Variants in CAMSAP1 observed in about 807,000 individuals in gnomAD.
CAMSAP1 encodes the protein calmodulin regulated spectrin associated protein 1, also known as calmodulin-regulated spectrin-associated protein 1.
In CAMSAP1, 58 loss-of-function variants were observed where a neutral mutation model predicts 143.5. The ratio of observed to expected loss-of-function variants is 0.40; its 90% CI spans 0.33 to 0.50. The LOEUF (loss-of-function observed/expected upper bound fraction) is 0.50. Among genes scored for constraint, CAMSAP1 ranks in the 20% least tolerant of loss-of-function variants. CAMSAP1 has a pLI of 0.45. For synonymous variants in CAMSAP1, 945 were observed against 859.3 expected, an observed-to-expected ratio of 1.10 and a Z score of -1.74; for missense variants, 1,969 against 2,115.7, an observed-to-expected ratio of 0.93 and a Z score of 1.36.
At chr9:135,865,104 C>T (rs1437873391) in intron 4 of CAMSAP1, 2 of 555,382 alleles carry the variant, frequency 3.6e-6, no homozygotes, top group African/African-American at 3.8e-5. Flanking sequence ...AAAGAAGTAA[C>T]TAGGAAACTG....
At chr9:135,885,512 C>T (rs554642116) in intron 1 of CAMSAP1, among the ~76,000 whole-genome samples, 128 of 152,270 alleles carry the variant, frequency 8.4e-4, no homozygotes, top group Non-Finnish European at 1.5e-3. Flanking sequence ...AAGTGGAGGG[C>T]TGGCATTAGA....
Position 135,907,233 on chromosome 9 carries a change from T to C in CAMSAP1, c.-74A>G. The C allele has an allele frequency of 1.1e-6, 1 of 940,954 alleles. No individual in the cohort carries two copies. Among genetic ancestry groups the C allele is most frequent in the East Asian group, 9.0e-5 (1 of 11,062 alleles). 58.3% of individuals were successfully genotyped at this position (940,954 alleles called of 1,614,324 possible). On this transcript the variant is annotated 5_prime_UTR_variant, in exon 1 of 17. Transcript: ENST00000389532. The stretch of plus-strand genomic sequence containing the variant: ...CCGCCCCTCGCCGCGCCGGGCCCGG[T>C]GCGCCCCGAGCCACCACTCGGCCCC...
rs1288878554 is a variant in CAMSAP1, at chr9:135,810,122, C to T, written c.*1187G>A. The T allele has an allele frequency of 6.6e-6, 1 of 152,542 alleles. No individual in the cohort carries two copies. Among genetic ancestry groups the T allele is most frequent in the African/African-American group, 2.4e-5 (1 of 41,432 alleles). The allele number at this position is 152,542 out of a possible 1,614,324, so 9.4% of individuals were successfully genotyped here. Reference sequence around the variant, plus strand: ...CAGCCATGGCTGGCACGCACCTGCTCCTGGGAATGTCCGCGCTCCACAGAA... The same window carrying T: ...CAGCCATGGCTGGCACGCACCTGCTTCTGGGAATGTCCGCGCTCCACAGAA... On this transcript the variant is annotated 3_prime_UTR_variant, in exon 17 of 17. Transcript: ENST00000389532.
intron 14 of CAMSAP1, among the ~76,000 whole-genome samples, chr9:135,816,675 GACA>G (rs1193095418): frequency 3.3e-5 from 5 of 152,128 alleles, no homozygotes; most frequent in Admixed American, 2.6e-4. Context: ...AAAGCCCAGA[GACA>G]ACAAGGAGCC....
At position 135,818,104 on chromosome 9, in the gene CAMSAP1, G is replaced by A. The variant is rs139081075; in HGVS notation, c.4169-25C>T. The A allele has an allele frequency of 6.2e-7, 1 of 1,608,194 alleles. No homozygotes were observed. ...GCTGCCAGAGACAGAAACAGACGAC[G>A]GTTCATGAACGGATTCCGACAGACA... On this transcript the variant is annotated intron_variant, in intron 13 of 16. Transcript: ENST00000389532. The surrounding 1 kb of genome is among the most constrained non-coding windows in gnomAD (Gnocchi z 7.7).
In CAMSAP1 at chr9:135,821,321, G is replaced by A; in HGVS notation, c.3340C>T (p.Pro1114Ser). ...GTTTTACTTCGGGAGGAGCCCTGTG[G>A]CCTGTCTTTTGGGACCTTCAGCTCC... The part of the protein sequence containing the change: ...PAELKVPKDR[P>S]QGSSRSKTPT... The change falls in exon 11 of 17, where the codon CCA becomes TCA. Residue 1114 changes from proline to serine, a missense_variant. Pro to Ser is a moderately conservative substitution (Grantham distance 74). Coordinates refer to ENST00000389532, the MANE Select transcript of CAMSAP1 (RefSeq NM_015447.4). The surrounding 1 kb of genome is among the most constrained non-coding windows in gnomAD (Gnocchi z 4.6). 2 of 1,613,316 alleles carry A rather than the reference G, an allele frequency of 1.2e-6. No individual in the cohort carries two copies. The highest frequency in any genetic ancestry group is 2.7e-5 in the African/African-American group (2 of 75,072).
At chr9:135,881,533 G>T in intron 3 of CAMSAP1, 100 bp downstream of exon 3, 2 of 1,326,910 alleles carry the variant, frequency 1.5e-6, no homozygotes, top group Non-Finnish European at 2.1e-6. Flanking sequence ...CAAATGAAGG[G>T]CTGGGTCTCA....
chr9:135,854,643 G>A, intron 5 of CAMSAP1, among the ~76,000 whole-genome samples: 1 of 151,650 alleles, frequency 6.6e-6, no homozygotes, highest in East Asian at 1.9e-4. Flanking sequence ...TTTAATTTTT[G>A]GGGTCTCATT....
rs375125521 is a variant in CAMSAP1, at chr9:135,883,940, C to T, written c.161-862G>A. On this transcript the variant is annotated intron_variant, in intron 1 of 16. Coordinates refer to ENST00000389532, the MANE Select transcript of CAMSAP1 (RefSeq NM_015447.4). ...ACACAAACAGCGCAGGAGCAGCATA[C>T]ACACGGGACACCGAATGTGTCACAG... Among the ~76,000 whole-genome samples the T allele has an allele frequency of 1.1e-4, 16 of 152,330 alleles. No individual in the cohort carries two copies. The East Asian group carries it at 2.5e-3, about 24-fold the overall frequency.
At chr9:135,891,173 G>A (rs886369306) in intron 1 of CAMSAP1, among the ~76,000 whole-genome samples, 1 of 152,180 alleles carries the variant, frequency 6.6e-6, no homozygotes, top group Non-Finnish European at 1.5e-5. Context: ...GCTGGAGGGG[G>A]AATCCTGAGG....
intron 7 of CAMSAP1, among the ~76,000 whole-genome samples, chr9:135,830,900 G>A (rs1490601423): frequency 6.6e-6 from 1 of 152,226 alleles, no homozygotes; most frequent in Non-Finnish European, 1.5e-5. Flanking sequence ...GCCAGGCGCA[G>A]TGGCTCACGC....
chr9:135,893,914 A>G (rs1464286512), intron 1 of CAMSAP1, among the ~76,000 whole-genome samples: 6 of 152,148 alleles, frequency 3.9e-5, no homozygotes, highest in Non-Finnish European at 7.4e-5. Flanking sequence ...ACAAAGGAGG[A>G]CTCTGAAAGG....
At position 135,821,749 on chromosome 9, in the gene CAMSAP1, G is replaced by A. The variant is rs757708831; in HGVS notation, c.2912C>T (p.Pro971Leu). 1 of 1,613,948 alleles carries A rather than the reference G, an allele frequency of 6.2e-7. No homozygotes were observed. Among genetic ancestry groups the A allele is most frequent in the South Asian group, 1.1e-5 (1 of 91,076 alleles). The change falls in exon 11 of 17, where the codon CCA becomes CTA. Residue 971 changes from proline to leucine, a missense_variant. Physicochemically the swap from Pro to Leu is moderately conservative, Grantham distance 98 (BLOSUM62 -3). This residue lies in a region of CAMSAP1 where 1,390 missense variants were observed against 1,420.8 expected (regional missense o/e 0.98). Transcript: ENST00000389532. The surrounding 1 kb of genome is among the most constrained non-coding windows in gnomAD (Gnocchi z 4.6). ...CAGGCTCTCTTTGTCCACATCCTGT[G>A]GCTCGTGAAGGAGCTCCTCTCTCTG... ...EEQREELLHE[P>L]QDVDKESLAF...
At chr9:135,904,761 G>A (rs1189210107) in intron 1 of CAMSAP1, among the ~76,000 whole-genome samples, 1 of 152,212 alleles carries the variant, frequency 6.6e-6, no homozygotes, top group Non-Finnish European at 1.5e-5. Context: ...GAGGTCAGGA[G>A]TTCGAGACCA....
Position 135,822,632 on chromosome 9 carries a change from C to T in CAMSAP1, c.2029G>A (p.Glu677Lys). The T allele has an allele frequency of 6.2e-7, 1 of 1,611,334 alleles. No individual in the cohort carries two copies. The highest frequency in any genetic ancestry group is 1.7e-5 in the Admixed American group (1 of 59,694). ...AGGGCCAGAGGCCCACCACAGACCT[C>T]TCCTGCGGTTTCCACTGACAGTGGT... Reference protein sequence around the residue: ...TGPLSVETAGEVCGGPLALGG... With the variant: ...TGPLSVETAGKVCGGPLALGG... The change falls in exon 11 of 17, where the codon GAG becomes AAG. Residue 677 changes from glutamate (E) to lysine (K), a missense_variant. By Grantham distance (56) the Glu-to-Lys change is moderately conservative. Coordinates refer to ENST00000389532, the MANE Select transcript of CAMSAP1 (RefSeq NM_015447.4). The surrounding 1 kb of genome is among the most constrained non-coding windows in gnomAD (Gnocchi z 6.1).
At chr9:135,853,493 C>A (rs1836849769) in intron 5 of CAMSAP1, among the ~76,000 whole-genome samples, 1 of 152,230 alleles carries the variant, frequency 6.6e-6, no homozygotes, top group South Asian at 2.1e-4. Context: ...AAAGTATTTA[C>A]TGGACTGGCG....
At chr9:135,902,862 G>A (rs560663367) in intron 1 of CAMSAP1, among the ~76,000 whole-genome samples, 49 of 152,356 alleles carry the variant, frequency 3.2e-4, no homozygotes, top group Admixed American at 6.5e-4. Flanking sequence ...AGTAAGGAGA[G>A]GGGATGAACT....
intron 5 of CAMSAP1, among the ~76,000 whole-genome samples, chr9:135,856,407 C>T (rs13299794): frequency 6.6e-6 from 1 of 152,062 alleles, no homozygotes; most frequent in African/African-American, 2.4e-5. Flanking sequence ...TCAATTATCT[C>T]CCACCAGGTC....
Position 135,907,010 on chromosome 9 carries a change from G to C in CAMSAP1, c.150C>G (p.Ala50=). The part of the protein sequence containing the change: ...AANLQWICAK[A]YGRDNIPEDL... Reference sequence around the variant, plus strand: ...CCTCACCCGGCCCACCTCGGCCGTAGGCCTTGGCGCAGATCCACTGCAGGT... The same window carrying C: ...CCTCACCCGGCCCACCTCGGCCGTACGCCTTGGCGCAGATCCACTGCAGGT... Residue 50 remains alanine (A), a synonymous_variant, in exon 1 of 17, where the codon GCC becomes GCG. Transcript: ENST00000389532. 1 of 1,143,348 alleles carries C rather than the reference G, an allele frequency of 8.7e-7. No homozygotes were observed. The allele number at this position is 1,143,348 out of a possible 1,614,324, so 70.8% of individuals were successfully genotyped here.
Sources: allele counts gnomAD v4.1 joint callset (sites outside exome capture counted in the v4.1 genomes callset), GRCh38; gene constraint gnomAD v4.1.1; regional missense constraint gnomAD v4.1.1; non-coding constraint Gnocchi (gnomAD v3.1); transcripts MANE v1.5; gene names NCBI Gene and HGNC (gene_info 2026-07-23, HGNC 2026-07-21).